GRM7: variants seen among roughly 807,000 people sequenced by gnomAD.
The protein encoded by GRM7 is glutamate metabotropic receptor 7.
Under a neutral mutation model 84.5 loss-of-function variants are expected in GRM7, and 35 were observed. The ratio of observed to expected loss-of-function variants is 0.41; its 90% CI spans 0.32 to 0.55. The LOEUF (loss-of-function observed/expected upper bound fraction) is 0.55, where lower values mean the gene tolerates loss of function less well. Among genes scored for constraint, GRM7 ranks in the 20% least tolerant of loss-of-function variants. The pLI is 0.19. For synonymous variants in GRM7, 487 were observed against 455.1 expected, an observed-to-expected ratio of 1.07 and a Z score of -0.89; for missense variants, 1,003 against 1,194.6, an observed-to-expected ratio of 0.84 and a Z score of 2.36.
intron 7 of GRM7, among the ~76,000 whole-genome samples, chr3:7,482,269 A>C (rs1699160503): frequency 6.6e-6 from 1 of 152,206 alleles, no homozygotes; most frequent in South Asian, 2.1e-4. Context: ...TAAACCCTGT[A>C]AGTTTGATTA....
At chr3:7,595,411 CT>C (rs1446374602) in intron 8 of GRM7, among the ~76,000 whole-genome samples, 1 of 152,158 alleles carries the variant, frequency 6.6e-6, no homozygotes, top group Admixed American at 6.5e-5. Flanking sequence ...ATACTTTCCT[CT>C]TTCTTGTTTT....
chr3:7,013,109 A>G (rs1231676375), intron 1 of GRM7, among the ~76,000 whole-genome samples: 1 of 147,070 alleles, frequency 6.8e-6, no homozygotes, highest in Non-Finnish European at 1.5e-5. Flanking sequence ...CTGGATGACA[A>G]TCCATTCTTC....
chr3:7,290,524 G>A (rs1336509533), intron 2 of GRM7, among the ~76,000 whole-genome samples: 1 of 152,130 alleles, frequency 6.6e-6, no homozygotes, highest in Non-Finnish European at 1.5e-5. Context: ...TGAAAGATAT[G>A]ATGGATTCAC....
At chr3:7,467,198 A>C (rs1698496053) in intron 7 of GRM7, among the ~76,000 whole-genome samples, 1 of 152,138 alleles carries the variant, frequency 6.6e-6, no homozygotes, top group East Asian at 1.9e-4. Flanking sequence ...AACGACTCTC[A>C]TGCCTCAGCC....
At chr3:7,259,898 G>A (rs189161524) in intron 2 of GRM7, among the ~76,000 whole-genome samples, 5 of 146,952 alleles carry the variant, frequency 3.4e-5, no homozygotes, top group African/African-American at 7.7e-5. Context: ...ACTAACCTAC[G>A]TGCCCACCAA....
intron 2 of GRM7, among the ~76,000 whole-genome samples, chr3:7,174,931 G>A (rs1317496636): frequency 1.3e-5 from 2 of 152,130 alleles, no homozygotes; most frequent in African/African-American, 4.8e-5. Context: ...AATGACAATA[G>A]CAGCTAATAT....
intron 8 of GRM7, among the ~76,000 whole-genome samples, chr3:7,608,469 AT>A (rs202076360): frequency 0.018 from 2,786 of 152,200 alleles, 96 homozygotes; most frequent in African/African-American, 0.062. Flanking sequence ...CATTTCTCTA[AT>A]GATCAGTGAT....
At chr3:7,106,485 G>A (rs1692645891) in intron 1 of GRM7, among the ~76,000 whole-genome samples, 1 of 151,916 alleles carries the variant, frequency 6.6e-6, no homozygotes, top group Admixed American at 6.6e-5. Flanking sequence ...AAAATCAAAT[G>A]TGAATGATAA....
At chr3:7,063,889 C>G (rs1697524041) in intron 1 of GRM7, among the ~76,000 whole-genome samples, 1 of 151,648 alleles carries the variant, frequency 6.6e-6, no homozygotes, top group African/African-American at 2.4e-5. Context: ...TAAGGCAACA[C>G]AAGCTAATAT....
chr3:7,710,843 T>C (rs934212049), intron 9 of GRM7, among the ~76,000 whole-genome samples: 2 of 152,210 alleles, frequency 1.3e-5, no homozygotes, highest in African/African-American at 4.8e-5. Context: ...ATAGCATTTA[T>C]CCCTGCAAAT....
intron 2 of GRM7, among the ~76,000 whole-genome samples, chr3:7,164,263 G>C (rs960910107): frequency 1.3e-5 from 2 of 152,184 alleles, no homozygotes; most frequent in African/African-American, 2.4e-5. Context: ...GGAGGCTGAG[G>C]CAGGAGAATC....
intron 3 of GRM7, among the ~76,000 whole-genome samples, chr3:7,305,667 C>G (rs1700169871): frequency 6.6e-6 from 1 of 151,558 alleles, no homozygotes; most frequent in Admixed American, 6.6e-5. Context: ...CATTTCCTGC[C>G]TGGAAGAAAA....
intron 6 of GRM7, among the ~76,000 whole-genome samples, 157 bp from the exon 7 acceptor site, chr3:7,461,426 C>T (rs529482417): frequency 2.3e-4 from 35 of 152,144 alleles, no homozygotes; most frequent in Non-Finnish European, 5.0e-4. Flanking sequence ...GATAACTTGC[C>T]TATGAATTGC....
At chr3:7,463,135 C>A (rs894279057) in intron 7 of GRM7, among the ~76,000 whole-genome samples, 1 of 152,052 alleles carries the variant, frequency 6.6e-6, no homozygotes, top group East Asian at 1.9e-4. Context: ...GAATCAAGGT[C>A]TATGGTACAT....
chr3:7,475,198 G>T (rs1172973107), intron 7 of GRM7, among the ~76,000 whole-genome samples: 1 of 152,178 alleles, frequency 6.6e-6, no homozygotes, highest in Non-Finnish European at 1.5e-5. Flanking sequence ...TAACAAATGT[G>T]TTCTTGATTT....
chr3:7,056,969 T>G (rs1697247803), intron 1 of GRM7, among the ~76,000 whole-genome samples: 1 of 152,008 alleles, frequency 6.6e-6, no homozygotes, highest in South Asian at 2.1e-4. Context: ...TGCTTTAATT[T>G]TCTAAATCAT....
intron 1 of GRM7, among the ~76,000 whole-genome samples, chr3:7,050,924 C>T (rs1046302544): frequency 1.3e-5 from 2 of 151,842 alleles, no homozygotes; most frequent in Admixed American, 6.6e-5. Context: ...CAGAAGTCTA[C>T]TTGTTTTGTA....
intron 1 of GRM7, among the ~76,000 whole-genome samples, chr3:7,005,898 G>A (rs1419033326): frequency 6.6e-6 from 1 of 152,114 alleles, no homozygotes; most frequent in Non-Finnish European, 1.5e-5. Context: ...GCTCAGTGTT[G>A]AGTCTCATTG....
At chr3:7,522,695 T>C (rs868616) in intron 7 of GRM7, among the ~76,000 whole-genome samples, 93,590 of 152,100 alleles carry the variant, frequency 0.62, 29,818 homozygotes, top group African/African-American at 0.79. Flanking sequence ...TTAAGTAACA[T>C]GTCAAGATCA....
Sources: gnomAD v4.1 joint callset for allele counts (sites outside exome capture counted in the v4.1 genomes callset) on GRCh38, gnomAD v4.1.1 for gene constraint, MANE v1.5 for transcripts, NCBI Gene and HGNC (gene_info 2026-07-23, HGNC 2026-07-21) for gene names.